Variants in DAB1 observed in about 807,000 individuals in gnomAD.
The protein encoded by DAB1 is DAB adaptor protein 1, also known as disabled homolog 1.
Under a neutral mutation model 64.6 loss-of-function variants are expected in DAB1, and 15 were observed. The ratio of observed to expected loss-of-function variants is 0.23; its 90% CI spans 0.16 to 0.36. The LOEUF is 0.36. Among genes scored for constraint, DAB1 ranks in the 10% least tolerant of loss-of-function variants. DAB1 has a pLI of 1.00. For synonymous variants in DAB1, 235 were observed against 251.9 expected (o/e 0.93, Z 0.64); for missense variants, 596 against 706.7 (o/e 0.84, Z 1.78).
At chr1:57,315,458 G>A (rs1351995641) in intron 1 of DAB1, among the ~76,000 whole-genome samples, 1 of 152,096 alleles carries the variant, frequency 6.6e-6, no homozygotes, top group Non-Finnish European at 1.5e-5. Context: ...TGGGTACGTG[G>A]GTGGGTAAAT....
chr1:57,063,014 A>C (rs1650554746), intron 8 of DAB1, 71 bp from the exon 9 acceptor site: 1 of 1,361,200 alleles, frequency 7.3e-7, no homozygotes, highest in Non-Finnish European at 1.0e-6. Context: ...AAGCAACCAG[A>C]CTTCAACTGC....
At chr1:57,539,771 C>T (rs1644778918) in intron 7 of DAB1, among the ~76,000 whole-genome samples, 1 of 152,180 alleles carries the variant, frequency 6.6e-6, no homozygotes, top group Non-Finnish European at 1.5e-5. Flanking sequence ...CCAACTTGTA[C>T]ATAAATAATG....
At chr1:58,545,877 A>AC (rs2100508876) in intron 1 of DAB1, among the ~76,000 whole-genome samples, 1 of 152,314 alleles carries the variant, frequency 6.6e-6, no homozygotes, top group African/African-American at 2.4e-5. Flanking sequence ...AAAGAATTGG[A>AC]CGGCAGCAGA....
intron 1 of DAB1, among the ~76,000 whole-genome samples, chr1:57,321,071 A>C (rs1198570433): frequency 2.0e-5 from 3 of 152,190 alleles, no homozygotes; most frequent in South Asian, 2.1e-4. Context: ...GAAGGTATAC[A>C]AAGGTAATGT....
intron 4 of DAB1, among the ~76,000 whole-genome samples, chr1:58,209,932 T>C (rs1341395154): frequency 6.6e-6 from 1 of 152,196 alleles, no homozygotes; most frequent in East Asian, 1.9e-4. Context: ...CCCTTATCTT[T>C]CCTAGGAGAA....
Position 57,163,575 on chromosome 1 carries a change from C to T in DAB1, c.68-18146G>A, listed in dbSNP as rs78099166. On this transcript the variant is annotated intron_variant, in intron 2 of 14. Transcript: ENST00000371236. ...TGGAAAGCCACGCTGGTGGTGGGGGCGGCGGTACCTTATGCAGGGGCATGA... is the reference window on the plus strand; with the variant it reads ...TGGAAAGCCACGCTGGTGGTGGGGGTGGCGGTACCTTATGCAGGGGCATGA... Among the ~76,000 whole-genome samples the T allele has an allele frequency of 7.8e-3, 1,179 of 151,744 alleles. 22 individuals carry two copies. The highest frequency in any genetic ancestry group is 0.071 in the East Asian group (361 of 5,116).
intron 4 of DAB1, among the ~76,000 whole-genome samples, chr1:58,184,269 T>A (rs1488625542): frequency 6.7e-6 from 1 of 148,788 alleles, no homozygotes; most frequent in African/African-American, 2.4e-5. Flanking sequence ...ATAAAGATTT[T>A]AAAAATATAT....
intron 3 of DAB1, among the ~76,000 whole-genome samples, chr1:58,383,279 A>T (rs1569711864): frequency 6.6e-6 from 1 of 152,206 alleles, no homozygotes; most frequent in Non-Finnish European, 1.5e-5. Flanking sequence ...GTCAAGATTC[A>T]GACTCAGGTC....
upstream of DAB1, among the ~76,000 whole-genome samples, chr1:57,886,832 G>A (rs1476157861): frequency 5.3e-5 from 8 of 152,146 alleles, no homozygotes; most frequent in Non-Finnish European, 8.8e-5. Context: ...CTCCAGGCAC[G>A]TATTTTAATT....
At chr1:57,708,440 T>C (rs1646991965) in intron 6 of DAB1, among the ~76,000 whole-genome samples, 1 of 152,230 alleles carries the variant, frequency 6.6e-6, no homozygotes, top group African/African-American at 2.4e-5. Flanking sequence ...GCAGGCAGTC[T>C]CTTGGGCTCT....
At chr1:57,085,336 T>C (rs1289715062) in intron 4 of DAB1, among the ~76,000 whole-genome samples, 1 of 152,234 alleles carries the variant, frequency 6.6e-6, no homozygotes, top group Non-Finnish European at 1.5e-5. Context: ...TTTTCATCTC[T>C]GTGCCAGACT....
chr1:57,086,985 A>G (rs1051538193), intron 4 of DAB1, among the ~76,000 whole-genome samples: 2 of 152,118 alleles, frequency 1.3e-5, no homozygotes, highest in Non-Finnish European at 2.9e-5. Flanking sequence ...TTTGTGGGAT[A>G]CTGTTTCAGA....
intron 6 of DAB1, among the ~76,000 whole-genome samples, chr1:57,792,046 C>G (rs1224723916): frequency 1.3e-5 from 2 of 152,174 alleles, no homozygotes; most frequent in Non-Finnish European, 2.9e-5. Context: ...TTTTCCTTGT[C>G]TATAAATTAC....
intron 1 of DAB1, among the ~76,000 whole-genome samples, chr1:57,841,853 T>A (rs967866680): frequency 6.6e-6 from 1 of 152,220 alleles, no homozygotes; most frequent in Non-Finnish European, 1.5e-5. Context: ...GGCATTTTCC[T>A]CATTGTCTTG....
chr1:57,772,988 A>G lies in DAB1; in HGVS notation n.551+111011T>C, dbSNP rs76554678. On this transcript the variant is annotated intron_variant and non_coding_transcript_variant, in intron 6 of 20. Coordinates refer to the DAB1 transcript ENST00000485760. The stretch of plus-strand genomic sequence containing the variant: ...ACAGGAGAATACCATGTGTAAATGA[A>G]TGCAGAAATTGGAATAATGTATGTA... Among the ~76,000 whole-genome samples the G allele has an allele frequency of 2.5e-3, 388 of 152,230 alleles. 5 individuals are homozygous for G. The East Asian group carries it at 0.059, about 23-fold the overall frequency.
intron 3 of DAB1, among the ~76,000 whole-genome samples, chr1:58,369,495 T>G (rs1380909751): frequency 6.6e-6 from 1 of 152,248 alleles, no homozygotes; most frequent in African/African-American, 2.4e-5. Context: ...TTATAATCCA[T>G]GACATCTTAG....
intron 1 of DAB1, among the ~76,000 whole-genome samples, chr1:57,400,570 A>G (rs1683163159): frequency 6.6e-6 from 1 of 150,878 alleles, no homozygotes; most frequent in African/African-American, 2.4e-5. Flanking sequence ...TTTTTTTTTA[A>G]CAAGCCAGAA....
intron 2 of DAB1, among the ~76,000 whole-genome samples, chr1:57,167,922 G>A (rs1395139624): frequency 9.2e-5 from 14 of 152,184 alleles, no homozygotes; most frequent in Admixed American, 9.2e-4. Context: ...GGTAACATTT[G>A]TCCAGTGAAT....
At chr1:58,302,563 T>C (rs1316451554) in intron 4 of DAB1, among the ~76,000 whole-genome samples, 3 of 151,932 alleles carry the variant, frequency 2.0e-5, no homozygotes, top group African/African-American at 4.8e-5. Context: ...GCTAGTAACC[T>C]ATATCAGGGG....
Sources: allele counts gnomAD v4.1 joint callset (sites outside exome capture counted in the v4.1 genomes callset), GRCh38; gene constraint gnomAD v4.1.1; transcripts MANE v1.5; gene names NCBI Gene and HGNC (gene_info 2026-07-23, HGNC 2026-07-21).